ADRA1A: variants seen among roughly 807,000 people sequenced by gnomAD.
The protein encoded by ADRA1A is adrenoceptor alpha 1A.
In ADRA1A, 31 loss-of-function variants were observed where a neutral mutation model predicts 29.6. The ratio of observed to expected loss-of-function variants is 1.05; its 90% CI spans 0.79 to 1.41. The LOEUF is 1.41. ADRA1A is among the 40% of genes most tolerant of loss of function. The pLI is 0.00. For synonymous variants in ADRA1A, 311 were observed against 254.3 expected (o/e 1.22, Z -2.12); for missense variants, 619 against 601.1 (o/e 1.03, Z -0.31).
At chr8:26,847,923 C>A (rs1812332548) in intron 2 of ADRA1A, among the ~76,000 whole-genome samples, 1 of 152,212 alleles carries the variant, frequency 6.6e-6, no homozygotes. Context: ...CGCAGTGCTG[C>A]CTTTATCCAT....
At chr8:26,776,372 T>C (rs1806550280) in intron 2 of ADRA1A, among the ~76,000 whole-genome samples, 1 of 152,212 alleles carries the variant, frequency 6.6e-6, no homozygotes, top group South Asian at 2.1e-4. Flanking sequence ...CCTGGAAAAC[T>C]TGACATCTTA....
At chr8:26,792,319 A>AT (rs1474515865) in intron 2 of ADRA1A, among the ~76,000 whole-genome samples, 7 of 151,840 alleles carry the variant, frequency 4.6e-5, no homozygotes, top group Non-Finnish European at 8.8e-5. Flanking sequence ...ACCTCTGCCC[A>AT]TTTTTTCCAT....
chr8:26,802,843 A>G (rs75814561), intron 2 of ADRA1A, among the ~76,000 whole-genome samples: 1,974 of 152,312 alleles, frequency 0.013, 48 homozygotes, highest in African/African-American at 0.044. Context: ...CAACAGCTCA[A>G]TGAATAATAC....
chr8:26,756,778 C>T (rs773725484), exon 3 of ADRA1A: 1 of 1,612,986 alleles, frequency 6.2e-7, no homozygotes, highest in Non-Finnish European at 8.5e-7. Context: ...GGGTGTGTGT[C>T]CCTTTAAAAC....
rs1812343857 is a variant in ADRA1A at position 26,848,061 on chromosome 8, G to A, written c.883+16026C>T. Among the ~76,000 whole-genome samples, 1 of 152,198 alleles carries A rather than the reference G, an allele frequency of 6.6e-6. No homozygotes were observed. Among genetic ancestry groups the A allele is most frequent in the South Asian group, 2.1e-4 (1 of 4,828 alleles). Reference sequence around the variant, plus strand: ...GAGGACACCAGAGTGCAGAGCAAAGGGCAGGACCACGTGTGATTCCAGGGC... The same window carrying A: ...GAGGACACCAGAGTGCAGAGCAAAGAGCAGGACCACGTGTGATTCCAGGGC... On this transcript the variant is annotated intron_variant, in intron 2 of 2. Coordinates refer to ENST00000380573, the MANE Select transcript of ADRA1A (RefSeq NM_000680.4). The surrounding 1 kb of genome is among the most constrained non-coding windows in gnomAD (Gnocchi z 4.3).
rs369232996 is a variant in ADRA1A at position 26,769,695 on chromosome 8, G to T, written c.*454C>A. On this transcript the variant is annotated 3_prime_UTR_variant, in exon 3 of 3. Transcript: ENST00000380573. ...CCATCTTAATGCTCTTCCTCTCTAG[G>T]CCCTCTCCCCATAAATGTCAAATGT... 3 of 987,454 alleles carry T rather than the reference G, an allele frequency of 3.0e-6. No homozygotes were observed. The highest frequency in any genetic ancestry group is 2.3e-4 in the East Asian group (2 of 8,852). 61.2% of individuals were successfully genotyped at this position (987,454 alleles called of 1,614,324 possible). A position where few individuals can be genotyped will look rare whatever the true frequency, so the allele number is the denominator to read the frequency against.
At chr8:26,801,848 A>G (rs1466929362) in intron 2 of ADRA1A, among the ~76,000 whole-genome samples, 1 of 152,204 alleles carries the variant, frequency 6.6e-6, no homozygotes, top group African/African-American at 2.4e-5. Context: ...AAATTATACT[A>G]TAGAGCTATG....
intron 2 of ADRA1A, among the ~76,000 whole-genome samples, chr8:26,856,410 A>T (rs1813049467): frequency 6.6e-6 from 1 of 152,208 alleles, no homozygotes; most frequent in South Asian, 2.1e-4. Context: ...CTATCATGTC[A>T]TTCCTGCTCA....
intron 2 of ADRA1A, among the ~76,000 whole-genome samples, chr8:26,800,086 C>T (rs752588139): frequency 6.6e-5 from 10 of 152,074 alleles, no homozygotes; most frequent in Non-Finnish European, 1.0e-4. Context: ...TTGTGAAACC[C>T]TGTCTCTACT....
At chr8:26,835,081 C>G (rs1811248859) in intron 2 of ADRA1A, among the ~76,000 whole-genome samples, 1 of 152,202 alleles carries the variant, frequency 6.6e-6, no homozygotes, top group African/African-American at 2.4e-5. Context: ...TCAAGTTACT[C>G]TGTCATGTTG....
rs148512356 is a variant in ADRA1A at position 26,772,847 on chromosome 8, T to C, written c.884-2181A>G. On this transcript the variant is annotated intron_variant, in intron 2 of 2. Coordinates refer to ENST00000380573, the MANE Select transcript of ADRA1A (RefSeq NM_000680.4). ...GAAGCACACTCCCTGCTAAGTTCCA[T>C]GTGTCTCAAATTCACACACACACAC... 2.4e-3 allele frequency among the ~76,000 whole-genome samples: 341 copies of C among 141,388 alleles called. 1 individual carries two copies. Among genetic ancestry groups the C allele is most frequent in the African/African-American group, 9.1e-3 (326 of 35,902 alleles). The allele number at this position is 141,388 out of a possible 152,430, so 92.8% of individuals were successfully genotyped here.
At chr8:26,752,826 T>G (rs1804976398), downstream of ADRA1A, among the ~76,000 whole-genome samples, 1 of 152,224 alleles carries the variant, frequency 6.6e-6, no homozygotes, top group South Asian at 2.1e-4. Flanking sequence ...CTGTAATTGC[T>G]GAGTGCTAAC....
chr8:26,774,081 T>C (rs538752969), intron 2 of ADRA1A, among the ~76,000 whole-genome samples: 1 of 152,238 alleles, frequency 6.6e-6, no homozygotes, highest in Non-Finnish European at 1.5e-5. Context: ...GATTTTGGCT[T>C]ATGCTTCCAG....
intron 2 of ADRA1A, among the ~76,000 whole-genome samples, chr8:26,817,456 T>G (rs1206503691): frequency 6.6e-6 from 1 of 152,220 alleles, no homozygotes; most frequent in Non-Finnish European, 1.5e-5. Flanking sequence ...ACAACCACTT[T>G]GGAAAACAGC....
chr8:26,856,559 T>C (rs1813061999), intron 2 of ADRA1A, among the ~76,000 whole-genome samples: 1 of 152,220 alleles, frequency 6.6e-6, no homozygotes, highest in South Asian at 2.1e-4. Context: ...AAAGTCATTA[T>C]GGACATTAAG....
At chr8:26,788,028 A>G in intron 2 of ADRA1A, among the ~76,000 whole-genome samples, 1 of 152,098 alleles carries the variant, frequency 6.6e-6, no homozygotes, top group South Asian at 2.1e-4. Context: ...GGTTACCCAG[A>G]TGCCACACCT....
In ADRA1A at chr8:26,802,772, C is replaced by T. The variant is rs549184785; in HGVS notation, c.884-32106G>A. On this transcript the variant is annotated intron_variant, in intron 2 of 2. Transcript: ENST00000380573. ...AATATATTGAGGAGACATCTGCATT[C>T]CCATGTTTTTGGCAACACTATTCAC... Among the ~76,000 whole-genome samples the T allele has an allele frequency of 7.9e-5, 12 of 152,254 alleles. No homozygotes were observed. The South Asian group carries it at 2.3e-3, about 29-fold the overall frequency.
chr8:26,865,061 G>A lies in ADRA1A; in HGVS notation c.-92C>T. ...GAGCGCGGGAGCCGGGAATCAAAAGGTCTCGGCTGGAGGGAGCCCTGCCAG... is the reference window on the plus strand; with the variant it reads ...GAGCGCGGGAGCCGGGAATCAAAAGATCTCGGCTGGAGGGAGCCCTGCCAG... On this transcript the variant is annotated 5_prime_UTR_variant, in exon 2 of 3. Coordinates refer to ENST00000380573, the MANE Select transcript of ADRA1A (RefSeq NM_000680.4). This position sits in a 1 kb window ranked among gnomAD's most constrained non-coding sequence, Gnocchi z 7.6. 2 of 1,515,538 alleles carry A rather than the reference G, an allele frequency of 1.3e-6. No homozygotes were observed. The highest frequency in any genetic ancestry group is 1.8e-6 in the Non-Finnish European group (2 of 1,142,328). The allele number at this position is 1,515,538 out of a possible 1,614,324, so 93.9% of individuals were successfully genotyped here. A position where few individuals can be genotyped will look rare whatever the true frequency, so the allele number is the denominator to read the frequency against.
chr8:26,830,669 A>T lies in ADRA1A; in HGVS notation c.883+33418T>A, dbSNP rs73680934. ...AGGTTTATTTAAGGAATTAACCAAG[A>T]AATAAGCTGTTCTACCCACAGTCAT... On this transcript the variant is annotated intron_variant, in intron 2 of 2. Coordinates refer to ENST00000380573, the MANE Select transcript of ADRA1A (RefSeq NM_000680.4). Among the ~76,000 whole-genome samples, 1,029 of 152,320 alleles carry T rather than the reference A, an allele frequency of 6.8e-3. 8 individuals are homozygous for T. Among genetic ancestry groups the T allele is most frequent in the African/African-American group, 0.024 (989 of 41,572 alleles).
Sources: gnomAD v4.1 joint callset for allele counts (sites outside exome capture counted in the v4.1 genomes callset) on GRCh38, gnomAD v4.1.1 for gene constraint, Gnocchi (gnomAD v3.1) non-coding constraint, MANE v1.5 for transcripts, NCBI Gene and HGNC (gene_info 2026-07-23, HGNC 2026-07-21) for gene names.